Variants in KYNU observed in about 807,000 individuals in gnomAD.
The protein encoded by KYNU is kynureninase, also known as L-kynurenine hydrolase.
Under a neutral mutation model 59.2 loss-of-function variants are expected in KYNU, and 54 were observed. That is an observed-to-expected ratio of 0.91 (90% CI 0.73 to 1.14). The LOEUF is 1.14. Ranked by LOEUF, KYNU falls within the 50% of genes most tolerant of loss-of-function variation. The probability of loss-of-function intolerance (pLI) is 0.00; values close to 1 mark genes in which losing one functional copy is unlikely to be tolerated. For synonymous variants in KYNU, 177 were observed against 192.0 expected (o/e 0.92, Z 0.65); for missense variants, 567 against 554.4 (o/e 1.02, Z -0.23).
intron 10 of KYNU, 39 bp from the exon 11 acceptor site, chr2:143,029,588 A>T (rs765223998): frequency 7.0e-7 from 1 of 1,431,710 alleles, no homozygotes; most frequent in Non-Finnish European, 9.9e-7. Context: ...TCCATCCAAA[A>T]AAACCCCCAA....
chr2:142,899,588 C>T (rs896365933), intron 2 of KYNU, among the ~76,000 whole-genome samples: 21 of 152,156 alleles, frequency 1.4e-4, no homozygotes, highest in East Asian at 5.8e-4. Context: ...TAGTAGGGGT[C>T]GTGCAATTGA....
chr2:143,026,757 G>T (rs769858775), intron 10 of KYNU, among the ~76,000 whole-genome samples: 61 of 65,376 alleles, frequency 9.3e-4, no homozygotes, highest in African/African-American at 5.5e-3. Context: ...TCCGCAGTCC[G>T]CAGTCCGCAT....
chr2:142,880,048 G>T (rs1031078790), intron 1 of KYNU, among the ~76,000 whole-genome samples: 1 of 152,174 alleles, frequency 6.6e-6, no homozygotes, highest in African/African-American at 2.4e-5. Flanking sequence ...GAGAGAGGGT[G>T]CCCTTCTAGT....
At chr2:143,034,569 T>G (rs575851266) in intron 12 of KYNU, among the ~76,000 whole-genome samples, 13 of 152,318 alleles carry the variant, frequency 8.5e-5, no homozygotes, top group Admixed American at 2.6e-4. Context: ...GTTTAACCAC[T>G]AGATGGAGCT....
rs1008602178 is a variant in KYNU at position 143,044,032 on chromosome 2, G to A, written c.*1860G>A. 4 of 151,710 alleles carry A rather than the reference G, an allele frequency of 2.6e-5. No homozygotes were observed. Among genetic ancestry groups the A allele is most frequent in the African/African-American group, 7.3e-5 (3 of 41,304 alleles). 9.4% of individuals were successfully genotyped at this position (151,710 alleles called of 1,614,324 possible). A position where few individuals can be genotyped will look rare whatever the true frequency, so the allele number is the denominator to read the frequency against. ...CCTGGTGTGTGATGTTCCCCTCCCT[G>A]TGTTCATATGTTCTCATTGTTCAAC... is the stretch of plus-strand genomic sequence containing the variant. On this transcript the variant is annotated 3_prime_UTR_variant, in exon 14 of 14. Coordinates refer to ENST00000264170, the MANE Select transcript of KYNU (RefSeq NM_003937.3).
chr2:143,013,383 A>AT (rs1686168790), intron 10 of KYNU, among the ~76,000 whole-genome samples: 1 of 151,284 alleles, frequency 6.6e-6, no homozygotes, highest in African/African-American at 2.4e-5. Flanking sequence ...AATCTTCACA[A>AT]TTTTTTGAAT....
intron 11 of KYNU, among the ~76,000 whole-genome samples, chr2:143,032,307 C>A (rs6709334): frequency 0.64 from 95,843 of 149,024 alleles, 31,862 homozygotes; most frequent in Non-Finnish European, 0.73. Flanking sequence ...AAAAACAAAA[C>A]AAAAAAAACT....
chr2:142,935,079 TA>T (rs1349349846), intron 4 of KYNU, among the ~76,000 whole-genome samples: 1 of 152,220 alleles, frequency 6.6e-6, no homozygotes, highest in Non-Finnish European at 1.5e-5. Context: ...CTTTGAAGGC[TA>T]AATTAAGAAG....
intron 4 of KYNU, among the ~76,000 whole-genome samples, chr2:142,945,370 C>T (rs1683738403): frequency 6.6e-6 from 1 of 152,206 alleles, no homozygotes; most frequent in African/African-American, 2.4e-5. Context: ...AAAATCTTAA[C>T]CATTTTTCTT....
At chr2:142,951,741 G>C (rs998920085) in intron 4 of KYNU, among the ~76,000 whole-genome samples, 2 of 152,202 alleles carry the variant, frequency 1.3e-5, no homozygotes, top group Admixed American at 1.3e-4. Context: ...TTGGACAAAG[G>C]TCAGTAGCAG....
intron 10 of KYNU, among the ~76,000 whole-genome samples, chr2:143,010,704 C>A (rs1214486890): frequency 6.8e-6 from 1 of 147,988 alleles, no homozygotes; most frequent in African/African-American, 2.5e-5. Flanking sequence ...GTACTGGTAC[C>A]AAAACAGAGA....
chr2:142,936,975 G>T (rs1042636305), intron 4 of KYNU, among the ~76,000 whole-genome samples: 2 of 152,206 alleles, frequency 1.3e-5, no homozygotes, highest in African/African-American at 4.8e-5. Context: ...TTTAATGAGC[G>T]CCTGGGTGCA....
chr2:143,018,196 C>G (rs1178999792), intron 10 of KYNU, among the ~76,000 whole-genome samples: 3 of 152,070 alleles, frequency 2.0e-5, no homozygotes, highest in South Asian at 4.1e-4. Context: ...TTTGAGGACT[C>G]AGTCATAAAT....
intron 10 of KYNU, among the ~76,000 whole-genome samples, chr2:142,992,083 T>C (rs1007413610): frequency 2.0e-5 from 3 of 151,912 alleles, no homozygotes; most frequent in African/African-American, 7.2e-5. Context: ...GAAAATATAA[T>C]GAAAATGATT....
rs761809423 is a variant in KYNU at position 142,929,007 on chromosome 2, C to CAAAAAAAAAA, written c.373+1275_373+1284dup. On this transcript the variant is annotated intron_variant, in intron 4 of 13. Coordinates refer to ENST00000264170, the MANE Select transcript of KYNU (RefSeq NM_003937.3). Reference sequence around the variant, plus strand: ...TGGACGACAGGGTGACACCCTGTCTCAAAAAAAAAAAAAAAAAACAAAAAA... The same window carrying CAAAAAAAAAA: ...TGGACGACAGGGTGACACCCTGTCTCAAAAAAAAAAAAAAAAAAAAAAAAAAAACAAAAAA... Among the ~76,000 whole-genome samples, 6 of 48,428 alleles carry CAAAAAAAAAA rather than the reference C, an allele frequency of 1.2e-4. 1 individual carries two copies. The highest frequency in any genetic ancestry group is 2.9e-4 in the Admixed American group (1 of 3,474). 31.8% of individuals were successfully genotyped at this position (48,428 alleles called of 152,430 possible). A position where few individuals can be genotyped will look rare whatever the true frequency, so the allele number is the denominator to read the frequency against.
intron 2 of KYNU, among the ~76,000 whole-genome samples, chr2:142,900,192 G>A (rs574161716): frequency 8.1e-4 from 124 of 152,304 alleles, no homozygotes; most frequent in African/African-American, 2.7e-3. Flanking sequence ...CCTTTAGCCT[G>A]ATCAGGAGTG....
intron 2 of KYNU, among the ~76,000 whole-genome samples, chr2:142,901,146 T>C (rs1234879774): frequency 6.6e-6 from 1 of 152,220 alleles, no homozygotes; most frequent in African/African-American, 2.4e-5. Context: ...CCTGACTATC[T>C]GCTTGTTAGT....
At chr2:142,989,715 G>A (rs1685338140) in intron 10 of KYNU, 1 of 158,362 alleles carries the variant, frequency 6.3e-6, no homozygotes, top group Non-Finnish European at 1.4e-5. Context: ...AACCTGAGGG[G>A]GCATTCTTAG....
chr2:142,881,083 G>C (rs1430124666), intron 1 of KYNU, among the ~76,000 whole-genome samples: 1 of 152,224 alleles, frequency 6.6e-6, no homozygotes, highest in Non-Finnish European at 1.5e-5. Context: ...TGGAGCATTA[G>C]GTCTTTGAAG....
Sources: allele counts gnomAD v4.1 joint callset (sites outside exome capture counted in the v4.1 genomes callset), GRCh38; gene constraint gnomAD v4.1.1; transcripts MANE v1.5; gene names NCBI Gene and HGNC (gene_info 2026-07-23, HGNC 2026-07-21).